Variants in SLC35F4 observed in about 807,000 individuals in gnomAD.
The protein encoded by SLC35F4 is chromosome 14 open reading frame 36.
SLC35F4 carries 24 observed loss-of-function variants against 44.2 expected under a neutral mutation model. The observed-to-expected ratio is 0.54, with a 90% CI of 0.39 to 0.76. The LOEUF is 0.76. Among genes scored for constraint, SLC35F4 ranks in the 30% least tolerant of loss-of-function variants. SLC35F4 has a pLI of 0.00. For synonymous variants in SLC35F4, 238 were observed against 223.6 expected (o/e 1.06, Z -0.57); for missense variants, 562 against 586.1 (o/e 0.96, Z 0.42).
chr14:57,617,352 G>A lies in SLC35F4; in HGVS notation c.104-23228C>T, dbSNP rs571028825. Among the ~76,000 whole-genome samples, 15 of 151,470 alleles carry A rather than the reference G, an allele frequency of 9.9e-5. 1 individual carries two copies. The South Asian group carries it at 2.7e-3, about 28-fold the overall frequency. ...TCACCATGTTAGCCAGGATGGTCTC[G>A]ATCTCCTGACCTCGTGATCCACCTG... is the stretch of plus-strand genomic sequence containing the variant. On this transcript the variant is annotated intron_variant, in intron 1 of 7. Transcript: ENST00000556826.
At chr14:57,731,899 T>C (rs1314536282) in intron 1 of SLC35F4, among the ~76,000 whole-genome samples, 2 of 152,152 alleles carry the variant, frequency 1.3e-5, no homozygotes, top group African/African-American at 4.8e-5. Context: ...TATAAGCAAG[T>C]GATGAAGTTT....
chr14:57,963,654 C>G (rs891147961), intron 1 of SLC35F4, among the ~76,000 whole-genome samples: 1 of 151,144 alleles, frequency 6.6e-6, no homozygotes. Context: ...AGACAGACGA[C>G]CCAGGACTCA....
At chr14:57,915,207 A>C (rs1370864482) in intron 1 of SLC35F4, among the ~76,000 whole-genome samples, 3 of 152,108 alleles carry the variant, frequency 2.0e-5, no homozygotes, top group Non-Finnish European at 4.4e-5. Flanking sequence ...CTGAGCACAA[A>C]GCTACGCCCA....
chr14:57,867,686 G>A (rs1276679855), upstream of SLC35F4, among the ~76,000 whole-genome samples: 2 of 151,236 alleles, frequency 1.3e-5, no homozygotes, highest in Non-Finnish European at 2.9e-5. Context: ...TGCATGTATT[G>A]CACATGGTAA....
chr14:57,840,195 T>G (rs989927924), intron 1 of SLC35F4, among the ~76,000 whole-genome samples: 1 of 152,164 alleles, frequency 6.6e-6, no homozygotes, highest in Non-Finnish European at 1.5e-5. Flanking sequence ...AAGAGTACAT[T>G]GATTCAAAAT....
chr14:57,923,227 G>C (rs1431348462), intron 1 of SLC35F4, among the ~76,000 whole-genome samples: 1 of 152,138 alleles, frequency 6.6e-6, no homozygotes, highest in East Asian at 1.9e-4. Flanking sequence ...TTTAAGATTA[G>C]GAGCCTGTAT....
At chr14:57,747,295 T>G (rs1399304685) in intron 1 of SLC35F4, among the ~76,000 whole-genome samples, 2 of 152,296 alleles carry the variant, frequency 1.3e-5, no homozygotes, top group East Asian at 3.9e-4. Context: ...CAGGGACTGA[T>G]AAGAGACTCA....
At chr14:57,810,370 G>A (rs1881824391) in intron 1 of SLC35F4, among the ~76,000 whole-genome samples, 1 of 152,226 alleles carries the variant, frequency 6.6e-6, no homozygotes. Flanking sequence ...GTTCTGGGGA[G>A]CATTTGAAGC....
At chr14:57,905,787 G>A (rs962359712) in intron 1 of SLC35F4, among the ~76,000 whole-genome samples, 1 of 152,128 alleles carries the variant, frequency 6.6e-6, no homozygotes, top group Non-Finnish European at 1.5e-5. Context: ...AGAAAAGGAG[G>A]TCAACATGAA....
chr14:57,629,315 C>A (rs1178669579), intron 1 of SLC35F4, among the ~76,000 whole-genome samples: 1 of 152,006 alleles, frequency 6.6e-6, no homozygotes, highest in East Asian at 1.9e-4. Flanking sequence ...TTTAAAAAAT[C>A]AATTGTTAGG....
intron 1 of SLC35F4, among the ~76,000 whole-genome samples, chr14:57,941,562 TG>T (rs1009659351): frequency 4.6e-5 from 7 of 152,182 alleles, no homozygotes; most frequent in African/African-American, 1.7e-4. Flanking sequence ...AAATGCTTAA[TG>T]GGCATGGGGT....
intron 1 of SLC35F4, among the ~76,000 whole-genome samples, chr14:57,933,568 C>T (rs1414537175): frequency 6.6e-6 from 1 of 152,184 alleles, no homozygotes; most frequent in South Asian, 2.1e-4. Context: ...TACCAGTCAG[C>T]TGAGTGGCTG....
chr14:57,648,892 C>T (rs74322432), intron 1 of SLC35F4, among the ~76,000 whole-genome samples: 3,081 of 152,240 alleles, frequency 0.02, 87 homozygotes, highest in African/African-American at 0.069. Flanking sequence ...AACTTAACTG[C>T]GTGCACTGTA....
At chr14:57,600,867 TC>T (rs972527951) in intron 1 of SLC35F4, among the ~76,000 whole-genome samples, 2 of 152,094 alleles carry the variant, frequency 1.3e-5, no homozygotes, top group African/African-American at 4.8e-5. Flanking sequence ...GGTAGGTTTT[TC>T]ATAGAAACCC....
chr14:57,904,564 T>C lies in SLC35F4; in HGVS notation n.282+77349A>G, dbSNP rs1424045423. ...TAACTTTATCTATATCTGAAAAGAG[T>C]TAATGGGAGAAACATTGAAGTGGGC... On this transcript the variant is annotated intron_variant and non_coding_transcript_variant, in intron 1 of 1. Coordinates refer to the SLC35F4 transcript ENST00000556568. 3.9e-5 allele frequency among the ~76,000 whole-genome samples: 6 copies of C among 152,310 alleles called. No individual in the cohort carries two copies. In the East Asian group the frequency reaches 1.2e-3, roughly 29 times the overall value.
Position 57,569,802 on chromosome 14 carries a change from G to GT in SLC35F4, c.1111_1112insA (p.Ala371AspfsTer68). The GT allele has an allele frequency of 6.2e-7, 1 of 1,601,898 alleles. No homozygotes were observed. The highest frequency in any genetic ancestry group is 8.5e-7 in the Non-Finnish European group (1 of 1,175,718). ...AGGCCACTTACCCAGCCACAGCCCTGCCATCCCACAGAGACAGCCCCATGG... is the reference window on the plus strand; with the variant it reads ...AGGCCACTTACCCAGCCACAGCCCTGTCCATCCCACAGAGACAGCCCCATGG... On this transcript the variant is annotated frameshift_variant, in exon 6 of 8. Coordinates refer to ENST00000556826, the MANE Select transcript of SLC35F4 (RefSeq NM_001306087.2). LOFTEE classifies it high-confidence loss of function.
At chr14:57,687,146 C>T (rs78574712) in intron 1 of SLC35F4, among the ~76,000 whole-genome samples, 3,073 of 152,228 alleles carry the variant, frequency 0.02, 45 homozygotes, top group Non-Finnish European at 0.03. Context: ...GACTTTCAGC[C>T]TCCAGAACTG....
At chr14:57,589,637 T>C (rs910141641) in intron 2 of SLC35F4, 124 bp from the exon 3 acceptor site, 7 of 1,045,254 alleles carry the variant, frequency 6.7e-6, no homozygotes, top group Non-Finnish European at 9.4e-6. Context: ...CCAGTGTTTT[T>C]CTTTTCTACC....
At chr14:57,603,938 C>T (rs1226298520) in intron 1 of SLC35F4, 2 of 152,254 alleles carry the variant, frequency 1.3e-5, no homozygotes, top group Admixed American at 6.5e-5. Flanking sequence ...ACAGCTATCT[C>T]TATGGGTGAC....
Sources: gnomAD v4.1 joint callset for allele counts (sites outside exome capture counted in the v4.1 genomes callset) on GRCh38, gnomAD v4.1.1 for gene constraint, MANE v1.5 for transcripts, NCBI Gene and HGNC (gene_info 2026-07-23, HGNC 2026-07-21) for gene names.